FBXO11: variants seen among roughly 807,000 people sequenced by gnomAD.
FBXO11 encodes F-box only protein 11.
In FBXO11, 13 loss-of-function variants were observed where a neutral mutation model predicts 117.0. The observed-to-expected ratio is 0.11, with a 90% CI of 0.07 to 0.18. The LOEUF is 0.18. Among genes scored for constraint, FBXO11 ranks in the 10% least tolerant of loss-of-function variants. The pLI, the probability that FBXO11 is intolerant of heterozygous loss-of-function variation, is 1.00. For synonymous variants in FBXO11, 490 were observed against 380.5 expected, an observed-to-expected ratio of 1.29 and a Z score of -3.35; for missense variants, 767 against 1,164.4, an observed-to-expected ratio of 0.66 and a Z score of 4.97.
chr2:47,827,701 A>ATT (rs34598751), intron 11 of FBXO11, among the ~76,000 whole-genome samples: 4 of 136,604 alleles, frequency 2.9e-5, no homozygotes, highest in African/African-American at 5.4e-5. Context: ...AAGAAATTAG[A>ATT]TTTTTTTTTT....
In FBXO11 at chr2:47,807,427, G is replaced by T. The variant is rs1670297391; in HGVS notation, c.*691C>A. The T allele has an allele frequency of 4.9e-6, 1 of 205,842 alleles. No homozygotes were observed. Among genetic ancestry groups the T allele is most frequent in the Non-Finnish European group, 1.0e-5 (1 of 100,448 alleles). The allele number at this position is 205,842 out of a possible 1,614,324, so 12.8% of individuals were successfully genotyped here. On this transcript the variant is annotated 3_prime_UTR_variant, in exon 23 of 23. Transcript: ENST00000403359. ...TTGAATGCTGCACAGGGAAGGGAAG[G>T]AAATAATAGTCTTAACTTTTCTTAA...
chr2:47,893,041 G>A (rs1677377495), intron 1 of FBXO11, among the ~76,000 whole-genome samples: 1 of 152,004 alleles, frequency 6.6e-6, no homozygotes, highest in African/African-American at 2.4e-5. Context: ...TGTAATCCCA[G>A]CTAATCCGGA....
chr2:47,811,747 A>G (rs891408942), intron 18 of FBXO11: 1 of 152,138 alleles, frequency 6.6e-6, no homozygotes, highest in Non-Finnish European at 1.5e-5. Context: ...TTCAACCCCC[A>G]TATTAAATCA....
At chr2:47,896,922 T>A (rs1572923706) in intron 1 of FBXO11, among the ~76,000 whole-genome samples, 1 of 152,218 alleles carries the variant, frequency 6.6e-6, no homozygotes, top group Admixed American at 6.5e-5. Context: ...TCAACAAATC[T>A]TCTTTGATAT....
At chr2:47,812,329 C>T (rs1186332429) in intron 18 of FBXO11, among the ~76,000 whole-genome samples, 1 of 152,198 alleles carries the variant, frequency 6.6e-6, no homozygotes. Context: ...AGTGAAATAA[C>T]ATCTGGAATG....
rs1344074900 is a variant in FBXO11 at position 47,846,963 on chromosome 2, GGCTGGTCGTGGTGGCTCACATCT to G, written c.233-7217_233-7195del. 1.4e-4 allele frequency among the ~76,000 whole-genome samples: 22 copies of G among 152,326 alleles called. No individual in the cohort carries two copies. The East Asian group carries it at 4.1e-3, about 28-fold the overall frequency. Reference sequence around the variant, plus strand: ...TAAAGACAAGAATACGTTCTGAGAAGGCTGGTCGTGGTGGCTCACATCTGTAATCCCTGCACTTTAGGAGGCCA... The same window carrying G: ...TAAAGACAAGAATACGTTCTGAGAAGGTAATCCCTGCACTTTAGGAGGCCA... On this transcript the variant is annotated intron_variant, in intron 1 of 22. Coordinates refer to ENST00000403359, the MANE Select transcript of FBXO11 (RefSeq NM_001190274.2).
At chr2:47,875,549 C>A (rs1317053595) in intron 1 of FBXO11, among the ~76,000 whole-genome samples, 3 of 149,924 alleles carry the variant, frequency 2.0e-5, no homozygotes, top group African/African-American at 4.9e-5. Flanking sequence ...GATAAAATTC[C>A]TAGAGTAGTA....
At chr2:47,843,323 A>C (rs936899786) in intron 1 of FBXO11, among the ~76,000 whole-genome samples, 1 of 152,238 alleles carries the variant, frequency 6.6e-6, no homozygotes, top group African/African-American at 2.4e-5. Flanking sequence ...GTGTTGTTCA[A>C]ATAGTCTCTA....
In FBXO11 at chr2:47,905,569, T is replaced by TGCTGCGGCGGCG; in HGVS notation, c.140_151dup (p.Pro47_Gln50dup). On this transcript the variant is annotated inframe_insertion, in exon 1 of 23. Coordinates refer to ENST00000403359, the MANE Select transcript of FBXO11 (RefSeq NM_001190274.2). ...CGGCGGAGGCTGCTGCTGCTGCTGCTGCTGCGGCGGCGGCGGAGGCTGCTG... is the reference window on the plus strand; with the variant it reads ...CGGCGGAGGCTGCTGCTGCTGCTGCTGCTGCGGCGGCGGCTGCGGCGGCGGCGGAGGCTGCTG... The TGCTGCGGCGGCG allele has an allele frequency of 1.6e-6, 2 of 1,250,306 alleles. No homozygotes were observed. The highest frequency in any genetic ancestry group is 2.0e-6 in the Non-Finnish European group (2 of 999,466). The allele number at this position is 1,250,306 out of a possible 1,614,324, so 77.5% of individuals were successfully genotyped here. A position where few individuals can be genotyped will look rare whatever the true frequency, so the allele number is the denominator to read the frequency against.
At chr2:47,905,364 T>C (rs1678699754) in intron 1 of FBXO11, 125 bp downstream of exon 1, 1 of 974,598 alleles carries the variant, frequency 1.0e-6, no homozygotes, top group Non-Finnish European at 1.3e-6. Flanking sequence ...CCGCCTCCGC[T>C]CAGCTTGGGT....
chr2:47,835,790 G>A lies in FBXO11; in HGVS notation c.717+82C>T, dbSNP rs978190311. 10 of 1,133,482 alleles carry A rather than the reference G, an allele frequency of 8.8e-6. No individual in the cohort carries two copies. The East Asian group carries it at 1.2e-4, about 14-fold the overall frequency. The allele number at this position is 1,133,482 out of a possible 1,614,324, so 70.2% of individuals were successfully genotyped here. A position where few individuals can be genotyped will look rare whatever the true frequency, so the allele number is the denominator to read the frequency against. ...TGGGATTACAGGTGTGAGCCACCAC[G>A]CCCAGCCTAAACTTATTTCTTAAAA... is the stretch of plus-strand genomic sequence containing the variant. On this transcript the variant is annotated intron_variant, in intron 5 of 22. Coordinates refer to ENST00000403359, the MANE Select transcript of FBXO11 (RefSeq NM_001190274.2).
intron 1 of FBXO11, among the ~76,000 whole-genome samples, chr2:47,897,964 G>A (rs1237004900): frequency 6.6e-5 from 10 of 152,170 alleles, no homozygotes; most frequent in East Asian, 1.9e-4. Context: ...TCTCTCATGA[G>A]ATGTGAAAAT....
intron 1 of FBXO11, among the ~76,000 whole-genome samples, chr2:47,890,083 T>C (rs1677149595): frequency 6.6e-6 from 1 of 152,202 alleles, no homozygotes; most frequent in South Asian, 2.1e-4. Context: ...CCTGAGTAGC[T>C]AGGACTACAG....
At chr2:47,893,141 G>A (rs1677387282) in intron 1 of FBXO11, among the ~76,000 whole-genome samples, 1 of 141,826 alleles carries the variant, frequency 7.1e-6, no homozygotes, top group Non-Finnish European at 1.6e-5. Context: ...ATGACACAGT[G>A]ATACTCTGTC....
intron 1 of FBXO11, among the ~76,000 whole-genome samples, chr2:47,859,600 C>G: frequency 6.6e-6 from 1 of 152,210 alleles, no homozygotes; most frequent in East Asian, 1.9e-4. Context: ...ATACAAACAG[C>G]TGAAGCTTTA....
chr2:47,863,023 C>A lies in FBXO11; in HGVS notation c.233-23254G>T, dbSNP rs186083746. Among the ~76,000 whole-genome samples, 163 of 150,402 alleles carry A rather than the reference C, an allele frequency of 1.1e-3. 1 individual carries two copies. Among genetic ancestry groups the A allele is most frequent in the Admixed American group, 1.9e-3 (28 of 15,108 alleles). ...TGAGCTGAGATCGCGCCATCACACTCCAGCCTGGGTGACAAGCGTAAAACT... is the reference window on the plus strand; with the variant it reads ...TGAGCTGAGATCGCGCCATCACACTACAGCCTGGGTGACAAGCGTAAAACT... On this transcript the variant is annotated intron_variant, in intron 1 of 22. Transcript: ENST00000403359.
chr2:47,820,296 G>A (rs1406861949), intron 14 of FBXO11, 66 bp downstream of exon 14: 3 of 1,277,154 alleles, frequency 2.3e-6, no homozygotes, highest in Admixed American at 3.7e-5. Context: ...AAAAGCTTGA[G>A]GAGAAACCCT....
At chr2:47,809,904 A>C (rs979748870) in intron 19 of FBXO11, 197 bp from the exon 20 acceptor site, 1 of 542,620 alleles carries the variant, frequency 1.8e-6, no homozygotes, top group African/African-American at 1.9e-5. Context: ...CAAAACTGCA[A>C]TTAACTTTCG....
chr2:47,889,040 T>C (rs1044579062), intron 1 of FBXO11, among the ~76,000 whole-genome samples: 1 of 152,056 alleles, frequency 6.6e-6, no homozygotes, highest in African/African-American at 2.4e-5. Context: ...AACAGAAACA[T>C]TCATTCACTA....
Sources: allele counts gnomAD v4.1 joint callset (sites outside exome capture counted in the v4.1 genomes callset), GRCh38; gene constraint gnomAD v4.1.1; transcripts MANE v1.5; gene names NCBI Gene and HGNC (gene_info 2026-07-23, HGNC 2026-07-21).